CDC42BPA: variants seen among roughly 807,000 people sequenced by gnomAD.
The protein encoded by CDC42BPA is CDC42 binding protein kinase alpha.
In CDC42BPA, 80 loss-of-function variants were observed where a neutral mutation model predicts 223.5. That is an observed-to-expected ratio of 0.36 (90% CI 0.30 to 0.43). The LOEUF (loss-of-function observed/expected upper bound fraction) is 0.43, where lower values mean the gene tolerates loss of function less well. Ranked by LOEUF, CDC42BPA falls within the 20% of genes least tolerant of loss-of-function variation. The pLI is 1.00. For missense variants in CDC42BPA, 1,743 were observed against 2,099.9 expected (o/e 0.83, Z 3.32); for synonymous variants, 694 against 718.6 (o/e 0.97, Z 0.55).
chr1:227,206,270 C>G lies in CDC42BPA; in HGVS notation c.355-6618G>C, dbSNP rs370517162. 5.3e-5 allele frequency among the ~76,000 whole-genome samples: 8 copies of G among 152,084 alleles called. No individual in the cohort carries two copies. The South Asian group carries it at 6.2e-4, about 12-fold the overall frequency. On this transcript the variant is annotated intron_variant, in intron 3 of 36. Coordinates refer to ENST00000366766, the MANE Select transcript of CDC42BPA (RefSeq NM_001394014.1). ...ATTTAGGAGGCTGTTGATAAACTAG[C>G]AAAGTCTGTAAATGATGAACTTGTA...
At chr1:227,168,000 C>G (rs546234547) in intron 5 of CDC42BPA, among the ~76,000 whole-genome samples, 1 of 151,970 alleles carries the variant, frequency 6.6e-6, no homozygotes, top group African/African-American at 2.4e-5. Context: ...TCTTGGCTCA[C>G]TGAAACCTCC....
rs139276999 is a variant in CDC42BPA at position 227,125,948 on chromosome 1, T to G, written c.1513+3161A>C. ...ATAATAATTTTATGTTGCCTCAGCA[T>G]CCACTTTGAATGCAGGTTTAGCTTT... On this transcript the variant is annotated intron_variant, in intron 11 of 36. Transcript: ENST00000366766. 2.6e-3 allele frequency among the ~76,000 whole-genome samples: 397 copies of G among 152,228 alleles called. 2 individuals carry two copies. The highest frequency in any genetic ancestry group is 4.5e-3 in the Non-Finnish European group (307 of 68,024).
intron 1 of CDC42BPA, among the ~76,000 whole-genome samples, chr1:227,262,467 C>A (rs1227959385): frequency 7.1e-6 from 1 of 141,214 alleles, no homozygotes; most frequent in Non-Finnish European, 1.5e-5. Context: ...CTATGAATTC[C>A]TCCCAAGAAA....
chr1:227,202,278 G>A (rs1671918677), intron 3 of CDC42BPA, among the ~76,000 whole-genome samples: 1 of 152,098 alleles, frequency 6.6e-6, no homozygotes, highest in African/African-American at 2.4e-5. Context: ...CACCACACCC[G>A]GCCGCTCTGG....
chr1:227,163,103 AACATATATGTGTGTATGTTTCCAAAC>A (rs1558650201), intron 5 of CDC42BPA, among the ~76,000 whole-genome samples: 1 of 102,800 alleles, frequency 9.7e-6, no homozygotes, highest in East Asian at 2.6e-4. Flanking sequence ...TGTGTTTCCA[AACATATATGTGTGTATGTTTCCAAAC>A]ATATGTGTGT....
intron 24 of CDC42BPA, among the ~76,000 whole-genome samples, chr1:227,037,641 TA>T (rs1670529632): frequency 6.6e-6 from 1 of 152,206 alleles, no homozygotes; most frequent in Non-Finnish European, 1.5e-5. Flanking sequence ...ACATTTCCTT[TA>T]AGGTCCCTTC....
rs1178415883 is a variant in CDC42BPA, at chr1:227,102,531, T to G, written c.2002-1292A>C. On this transcript the variant is annotated intron_variant, in intron 14 of 36. Coordinates refer to ENST00000366766, the MANE Select transcript of CDC42BPA (RefSeq NM_001394014.1). ...AGAAAAGAACACTTTTAGTTTGATG[T>G]TCTGTTTATTGTGATGACTGTTGGG... Among the ~76,000 whole-genome samples the G allele has an allele frequency of 2.0e-5, 3 of 152,180 alleles. No individual in the cohort carries two copies. In the South Asian group the frequency reaches 6.2e-4, roughly 32 times the overall value.
chr1:227,045,909 T>G (rs1303771457), intron 23 of CDC42BPA, among the ~76,000 whole-genome samples: 1 of 152,090 alleles, frequency 6.6e-6, no homozygotes, highest in Non-Finnish European at 1.5e-5. Flanking sequence ...CAGGCTCAAG[T>G]GATCCTCCCT....
intron 16 of CDC42BPA, among the ~76,000 whole-genome samples, chr1:227,091,312 T>C (rs1192400336): frequency 1.3e-5 from 2 of 152,128 alleles, no homozygotes; most frequent in East Asian, 3.9e-4. Flanking sequence ...AGGTGGGGCC[T>C]GGGGGGAGGT....
intron 3 of CDC42BPA, among the ~76,000 whole-genome samples, chr1:227,202,301 G>C (rs1671922084): frequency 6.6e-6 from 1 of 152,066 alleles, no homozygotes; most frequent in Non-Finnish European, 1.5e-5. Flanking sequence ...CTTTTTAAGG[G>C]GAAAACAGAA....
chr1:227,133,490 A>G (rs1163570769), intron 10 of CDC42BPA, among the ~76,000 whole-genome samples: 3 of 152,248 alleles, frequency 2.0e-5, no homozygotes, highest in African/African-American at 7.2e-5. Flanking sequence ...AGAACGGGCC[A>G]TGATGACAAT....
chr1:227,185,807 A>G (rs7545239), intron 5 of CDC42BPA, among the ~76,000 whole-genome samples: 127,885 of 151,856 alleles, frequency 0.84, 54,144 homozygotes, highest in Middle Eastern at 0.91. Flanking sequence ...TCCACTCATC[A>G]GAGCCGTATC....
intron 1 of CDC42BPA, among the ~76,000 whole-genome samples, chr1:227,279,825 G>A (rs1338566637): frequency 6.6e-6 from 1 of 152,136 alleles, no homozygotes; most frequent in Non-Finnish European, 1.5e-5. Context: ...GGGAAGCCAA[G>A]GTGGGCAGAT....
At chr1:227,157,754 C>G (rs1190767778) in intron 6 of CDC42BPA, among the ~76,000 whole-genome samples, 2 of 151,942 alleles carry the variant, frequency 1.3e-5, no homozygotes, top group Non-Finnish European at 2.9e-5. Flanking sequence ...TGGCTCATCT[C>G]TACTCATCTG....
At chr1:227,227,339 T>C (rs946817291) in intron 2 of CDC42BPA, among the ~76,000 whole-genome samples, 1 of 152,200 alleles carries the variant, frequency 6.6e-6, no homozygotes, top group African/African-American at 2.4e-5. Context: ...ATAAATCACA[T>C]TGTAATCCAA....
In CDC42BPA at chr1:227,074,373, T is replaced by C. The variant is rs1394568782; in HGVS notation, c.2481-9A>G. The C allele has an allele frequency of 3.8e-6, 6 of 1,594,602 alleles. No individual in the cohort carries two copies. The highest frequency in any genetic ancestry group is 4.3e-6 in the Non-Finnish European group (5 of 1,167,672). ...CCTTTTCATCGCTGACCCTAGAATA[T>C]ATAAAGACAAAGTACAAAAGTAAAA... On this transcript the variant is annotated splice_polypyrimidine_tract_variant and intron_variant, in intron 17 of 36. Transcript: ENST00000366766.
At chr1:227,164,501 A>T (rs1022967814) in intron 5 of CDC42BPA, among the ~76,000 whole-genome samples, 4 of 152,166 alleles carry the variant, frequency 2.6e-5, no homozygotes, top group Admixed American at 1.3e-4. Context: ...CTCTGTCTCT[A>T]TAAAAAAAAA....
At chr1:227,163,741 A>AT (rs1375848945) in intron 5 of CDC42BPA, among the ~76,000 whole-genome samples, 13 of 135,888 alleles carry the variant, frequency 9.6e-5, no homozygotes, top group East Asian at 4.8e-4. Context: ...TAAAAAAAAA[A>AT]AATATATATA....
At chr1:227,168,497 G>GTTTTTTTTTTTTTTTTGTTTTT (rs1665498287) in intron 5 of CDC42BPA, among the ~76,000 whole-genome samples, 1 of 80,196 alleles carries the variant, frequency 1.2e-5, no homozygotes, top group African/African-American at 5.0e-5. Flanking sequence ...CTTCCCTGGT[G>GTTTTTTTTTTTTTTTTGTTTTT]TTTTTTTTTT....
Sources: gnomAD v4.1 joint callset for allele counts (sites outside exome capture counted in the v4.1 genomes callset) on GRCh38, gnomAD v4.1.1 for gene constraint, MANE v1.5 for transcripts, NCBI Gene and HGNC (gene_info 2026-07-23, HGNC 2026-07-21) for gene names.